FALEC: variants seen among roughly 807,000 people sequenced by gnomAD.
FALEC encodes focally amplified lncRNA regulator of ECM1.
At chr1:150,527,250 T>G in the FALEC span, among the ~76,000 whole-genome samples, 2 of 148,554 alleles carry the variant, frequency 1.3e-5, no homozygotes, top group Middle Eastern at 3.4e-3. Context: ...CTATTTTTAT[T>G]TTTTATTTAT....
the FALEC span, among the ~76,000 whole-genome samples, chr1:150,527,377 G>A: frequency 1.3e-5 from 2 of 151,746 alleles, no homozygotes; most frequent in Non-Finnish European, 2.9e-5. Flanking sequence ...TCCTGCCTCA[G>A]CCTCCCGAGT....
At chr1:150,525,139 T>C in the FALEC span, among the ~76,000 whole-genome samples, 1 of 151,924 alleles carries the variant, frequency 6.6e-6, no homozygotes. Context: ...TGCTAAAAAT[T>C]AGCCAGGCAT....
the FALEC span, among the ~76,000 whole-genome samples, chr1:150,531,431 C>T: frequency 1.0e-3 from 152 of 152,018 alleles, 3 homozygotes; most frequent in East Asian, 0.027. Context: ...GCCGGGATCT[C>T]GCCACTGCAC....
the FALEC span, among the ~76,000 whole-genome samples, chr1:150,523,301 T>G: frequency 6.6e-6 from 1 of 150,624 alleles, no homozygotes; most frequent in Non-Finnish European, 1.5e-5. Context: ...CATATATTAT[T>G]AAAATTAATT....
chr1:150,518,373 G>T (rs72698899), downstream of FALEC, among the ~76,000 whole-genome samples: 1 of 147,496 alleles, frequency 6.8e-6, no homozygotes, highest in African/African-American at 2.5e-5. Context: ...CTAATCAGTC[G>T]CCAAGTCTCT....
At chr1:150,517,085 G>C (rs1003312324) in intron 1 of FALEC, among the ~76,000 whole-genome samples, 1 of 152,080 alleles carries the variant, frequency 6.6e-6, no homozygotes. Flanking sequence ...GATCAACCGA[G>C]GTCAGGAGTT....
chr1:150,525,253 C>T, the FALEC span, among the ~76,000 whole-genome samples: 2,099 of 152,190 alleles, frequency 0.014, 53 homozygotes, highest in African/African-American at 0.048. Flanking sequence ...CACCATTGCA[C>T]TCCAGTCTGG....
chr1:150,521,778 A>C (rs1031528805), downstream of FALEC, among the ~76,000 whole-genome samples: 1 of 152,170 alleles, frequency 6.6e-6, no homozygotes. Flanking sequence ...CCATTCTACT[A>C]TCTGTTCCTC....
At chr1:150,517,306 A>AG (rs1670580285) in intron 1 of FALEC, among the ~76,000 whole-genome samples, 1 of 151,910 alleles carries the variant, frequency 6.6e-6, no homozygotes, top group African/African-American at 2.4e-5. Flanking sequence ...CAAAAAAAAA[A>AG]AAAAAAAAAA....
At chr1:150,530,008 G>C in the FALEC span, among the ~76,000 whole-genome samples, 1 of 152,130 alleles carries the variant, frequency 6.6e-6, no homozygotes, top group Non-Finnish European at 1.5e-5. Flanking sequence ...AGAAAGACAA[G>C]AGCCCCTAAC....
chr1:150,527,973 A>G, the FALEC span, among the ~76,000 whole-genome samples: 3 of 152,316 alleles, frequency 2.0e-5, no homozygotes, highest in South Asian at 6.2e-4. Context: ...GAGGCATCCA[A>G]TAGGCAGCAA....
At chr1:150,526,781 C>T in the FALEC span, among the ~76,000 whole-genome samples, 16 of 151,842 alleles carry the variant, frequency 1.1e-4, no homozygotes, top group East Asian at 3.1e-3. Flanking sequence ...CTACAGGCGC[C>T]CACCACCACG....
intron 1 of FALEC, among the ~76,000 whole-genome samples, chr1:150,517,111 C>A (rs1031055492): frequency 9.2e-5 from 14 of 152,004 alleles, no homozygotes; most frequent in Non-Finnish European, 7.4e-5. Context: ...CCAGCCTGAC[C>A]AACATGGTGA....
chr1:150,526,586 T>C, the FALEC span, among the ~76,000 whole-genome samples: 42 of 149,452 alleles, frequency 2.8e-4, no homozygotes, highest in African/African-American at 9.6e-4. Context: ...TACAGGCACA[T>C]GCCACCATGC....
chr1:150,519,310 T>C (rs587625310), downstream of FALEC, among the ~76,000 whole-genome samples: 1 of 152,340 alleles, frequency 6.6e-6, no homozygotes, highest in African/African-American at 2.4e-5. Flanking sequence ...CTAAAAGCAG[T>C]CATTTTGGAT....
chr1:150,518,776 G>T (rs1386047396), downstream of FALEC, among the ~76,000 whole-genome samples: 4 of 152,044 alleles, frequency 2.6e-5, no homozygotes, highest in Non-Finnish European at 5.9e-5. Flanking sequence ...AAAATCCCTG[G>T]CCGGGCGCTG....
At chr1:150,530,500 T>G in the FALEC span, among the ~76,000 whole-genome samples, 1 of 152,170 alleles carries the variant, frequency 6.6e-6, no homozygotes, top group Admixed American at 6.6e-5. Context: ...GCCTCATGGT[T>G]TGCAGGGACT....
the FALEC span, among the ~76,000 whole-genome samples, chr1:150,531,795 G>A: frequency 6.6e-6 from 1 of 152,190 alleles, no homozygotes; most frequent in Non-Finnish European, 1.5e-5. Context: ...GTTAGCCCAT[G>A]CACGGGCAGC....
the FALEC span, among the ~76,000 whole-genome samples, chr1:150,534,797 A>C: frequency 6.7e-6 from 1 of 150,030 alleles, no homozygotes; most frequent in Non-Finnish European, 1.5e-5. Context: ...AGCTGAGATC[A>C]TGCCACTGCA....
Sources: gnomAD v4.1 joint callset for allele counts (sites outside exome capture counted in the v4.1 genomes callset) on GRCh38, gnomAD v4.1.1 for gene constraint, MANE v1.5 for transcripts, NCBI Gene and HGNC (gene_info 2026-07-23, HGNC 2026-07-21) for gene names.